The following EFR3A variants were observed in gnomAD, a reference collection of about 807,000 sequenced individuals.
The protein encoded by EFR3A is protein EFR3 homolog A.
A neutral mutation model predicts 104.4 loss-of-function variants in EFR3A; 76 were observed. That is an observed-to-expected ratio of 0.73 (90% CI 0.60 to 0.88). EFR3A has a LOEUF of 0.88. Ranked by LOEUF, EFR3A falls within the 40% of genes least tolerant of loss-of-function variation. The pLI, the probability that EFR3A is intolerant of heterozygous loss-of-function variation, is 0.00. For synonymous variants in EFR3A, 330 were observed against 330.0 expected (o/e 1.00, Z 0.00); for missense variants, 985 against 1,012.5 (o/e 0.97, Z 0.37).
At chr8:131,990,180 A>G (rs957316998) in intron 18 of EFR3A, among the ~76,000 whole-genome samples, 1 of 152,328 alleles carries the variant, frequency 6.6e-6, no homozygotes, top group Admixed American at 6.5e-5. Flanking sequence ...TGTTCACTTG[A>G]ACCACAAAAC....
chr8:131,907,334 C>T (rs1330706302), intron 1 of EFR3A, among the ~76,000 whole-genome samples: 3 of 152,174 alleles, frequency 2.0e-5, no homozygotes, highest in African/African-American at 2.4e-5. Context: ...AAAATGGCTC[C>T]TGAGTTCACA....
intron 8 of EFR3A, among the ~76,000 whole-genome samples, chr8:131,965,975 A>G (rs1355009756): frequency 6.6e-6 from 1 of 151,710 alleles, no homozygotes; most frequent in African/African-American, 2.4e-5. Context: ...AAAACCAAAC[A>G]CCGCATGTTC....
chr8:131,977,122 A>C (rs191508203), intron 12 of EFR3A, 30 bp downstream of exon 12: 73 of 1,519,016 alleles, frequency 4.8e-5, no homozygotes, highest in Non-Finnish European at 1.8e-6. Flanking sequence ...TAAAGGACAC[A>C]CTTAACCTTA....
At chr8:132,002,437 TAAAC>T (rs538270366) in intron 20 of EFR3A, among the ~76,000 whole-genome samples, 162 bp from the exon 21 acceptor site, 3 of 152,156 alleles carry the variant, frequency 2.0e-5, no homozygotes, top group Non-Finnish European at 2.9e-5. Flanking sequence ...TTTCTAGCCT[TAAAC>T]AAGACATTTC....
rs370249299 is a variant in EFR3A at position 131,977,451 on chromosome 8, T to A, written c.1326+359T>A. On this transcript the variant is annotated intron_variant, in intron 12 of 22. Transcript: ENST00000254624. ...TGAAATCCAAAGTTCTTTCAACATA[T>A]TATGCTAATTCTTTCTCATACTGAC... Among the ~76,000 whole-genome samples the A allele has an allele frequency of 1.8e-3, 278 of 152,282 alleles. 2 individuals are homozygous for A. Among genetic ancestry groups the A allele is most frequent in the African/African-American group, 6.5e-3 (270 of 41,578 alleles).
At chr8:132,002,801 A>C in intron 21 of EFR3A, 95 bp downstream of exon 21, 2 of 970,420 alleles carry the variant, frequency 2.1e-6, no homozygotes, top group Admixed American at 4.7e-5. Context: ...GCTTTAGTCA[A>C]ATCAACGGAA....
At position 132,011,692 on chromosome 8, in the gene EFR3A, A is replaced by G. The variant is rs1422191254; in HGVS notation, c.*797A>G. Reference sequence around the variant, plus strand: ...TATAGTAGTATTTTGCTGTGGCTCCATTAATTAAATGAGATATATATTTAG... The same window carrying G: ...TATAGTAGTATTTTGCTGTGGCTCCGTTAATTAAATGAGATATATATTTAG... On this transcript the variant is annotated 3_prime_UTR_variant, in exon 23 of 23. Coordinates refer to ENST00000254624, the MANE Select transcript of EFR3A (RefSeq NM_015137.6). 2.0e-5 allele frequency: 3 copies of G among 153,202 alleles called. No homozygotes were observed. The highest frequency in any genetic ancestry group is 7.2e-5 in the African/African-American group (3 of 41,450). 9.5% of individuals were successfully genotyped at this position (153,202 alleles called of 1,614,324 possible).
At chr8:131,959,064 T>TTAA (rs1199923188) in intron 7 of EFR3A, among the ~76,000 whole-genome samples, 2 of 152,164 alleles carry the variant, frequency 1.3e-5, no homozygotes, top group Non-Finnish European at 2.9e-5. Flanking sequence ...AGATTAACCA[T>TTAA]TAAGGTTGAT....
At chr8:131,931,267 A>T (rs1817596665) in intron 1 of EFR3A, among the ~76,000 whole-genome samples, 1 of 152,190 alleles carries the variant, frequency 6.6e-6, no homozygotes, top group South Asian at 2.1e-4. Context: ...GATTGTATTT[A>T]TTCCAAGGCA....
chr8:131,996,444 A>G lies in EFR3A; in HGVS notation c.2104A>G (p.Thr702Ala), dbSNP rs1821490465. Residue 702 changes from threonine to alanine, a missense_variant, in exon 19 of 23, where the codon ACC becomes GCC. Transcript: ENST00000254624. Reference protein sequence around the residue: ...RLSRRKSIVDTVSIQVDILSN... With the variant: ...RLSRRKSIVDAVSIQVDILSN... ...TTCTAGAAGAAAAAGCATTGTGGACACCGTATCCATTCAGGTGGATATTTT... is the reference window on the plus strand; with the variant it reads ...TTCTAGAAGAAAAAGCATTGTGGACGCCGTATCCATTCAGGTGGATATTTT... 1 of 1,599,266 alleles carries G rather than the reference A, an allele frequency of 6.3e-7. No homozygotes were observed. The highest frequency in any genetic ancestry group is 1.7e-5 in the Admixed American group (1 of 57,368).
At chr8:131,959,735 A>G in intron 8 of EFR3A, 72 bp downstream of exon 8, 1 of 1,022,066 alleles carries the variant, frequency 9.8e-7, no homozygotes, top group Non-Finnish European at 1.5e-6. Context: ...CACATTATCA[A>G]ACAGATGTGG....
intron 8 of EFR3A, among the ~76,000 whole-genome samples, chr8:131,963,067 G>A (rs1370725970): frequency 1.3e-5 from 2 of 152,222 alleles, no homozygotes; most frequent in Non-Finnish European, 2.9e-5. Flanking sequence ...CACATTTAAA[G>A]CTGTGTGTAG....
chr8:131,947,574 G>A (rs1329274903), intron 4 of EFR3A, among the ~76,000 whole-genome samples: 1 of 151,296 alleles, frequency 6.6e-6, no homozygotes, highest in Non-Finnish European at 1.5e-5. Flanking sequence ...TGTGTTTGGG[G>A]GGTGGTGGAC....
intron 8 of EFR3A, among the ~76,000 whole-genome samples, chr8:131,961,291 G>T (rs539861169): frequency 1.3e-5 from 2 of 152,242 alleles, no homozygotes; most frequent in Non-Finnish European, 1.5e-5. Flanking sequence ...CGAACCCATG[G>T]CAAAGAAGTT....
intron 18 of EFR3A, among the ~76,000 whole-genome samples, chr8:131,993,476 A>G (rs912611161): frequency 6.6e-6 from 1 of 152,154 alleles, no homozygotes; most frequent in Admixed American, 6.6e-5. Context: ...CAACCATGGA[A>G]GGCTGTCTTG....
intron 19 of EFR3A, among the ~76,000 whole-genome samples, chr8:131,999,210 G>A (rs1462676023): frequency 6.6e-6 from 1 of 152,084 alleles, no homozygotes; most frequent in Non-Finnish European, 1.5e-5. Context: ...CTGGTTGACT[G>A]TAAAAGATTG....
chr8:131,939,142 T>C (rs1298669880), intron 1 of EFR3A, among the ~76,000 whole-genome samples: 1 of 152,154 alleles, frequency 6.6e-6, no homozygotes, highest in Non-Finnish European at 1.5e-5. Context: ...TACCATTGTA[T>C]TGAGTGCTTG....
chr8:131,964,141 A>G (rs1232411682), intron 8 of EFR3A, among the ~76,000 whole-genome samples: 3 of 152,072 alleles, frequency 2.0e-5, no homozygotes, highest in Admixed American at 2.0e-4. Context: ...AACTGGAAGC[A>G]TTCCCTTTGA....
intron 22 of EFR3A, among the ~76,000 whole-genome samples, chr8:132,008,915 GTGTGATTTACA>G (rs1429358300): frequency 2.7e-5 from 4 of 148,782 alleles, no homozygotes; most frequent in Non-Finnish European, 5.9e-5. Context: ...ATTTACATGG[GTGTGATTTACA>G]TGAGTGTATA....
Sources: gnomAD v4.1 joint callset for allele counts (sites outside exome capture counted in the v4.1 genomes callset) on GRCh38, gnomAD v4.1.1 for gene constraint, MANE v1.5 for transcripts, NCBI Gene and HGNC (gene_info 2026-07-23, HGNC 2026-07-21) for gene names.